ARL8B: variants seen among roughly 807,000 people sequenced by gnomAD.
ARL8B encodes ARF like GTPase 8B, also known as ADP-ribosylation factor-like protein 8B.
ARL8B carries 9 observed loss-of-function variants against 30.6 expected under a neutral mutation model. That is an observed-to-expected ratio of 0.29 (90% CI 0.18 to 0.51). The LOEUF is 0.51. Among genes scored for constraint, ARL8B ranks in the 20% least tolerant of loss-of-function variants. The pLI, the probability that ARL8B is intolerant of heterozygous loss-of-function variation, is 0.97. For missense variants in ARL8B, 130 were observed against 227.2 expected, an observed-to-expected ratio of 0.57 and a Z score of 2.75; for synonymous variants, 74 against 76.0, an observed-to-expected ratio of 0.97 and a Z score of 0.14.
intron 1 of ARL8B, 51 bp from the exon 2 acceptor site, chr3:5,170,452 C>A: frequency 8.2e-7 from 1 of 1,215,310 alleles, no homozygotes; most frequent in Non-Finnish European, 1.2e-6. Flanking sequence ...GAAGTTTATG[C>A]AGTGTCATTA....
intron 1 of ARL8B, among the ~76,000 whole-genome samples, chr3:5,169,308 TG>T (rs2054650109): frequency 2.3e-5 from 1 of 43,838 alleles, no homozygotes; most frequent in African/African-American, 1.9e-4. Flanking sequence ...ACAGTGTTTG[TG>T]TGTGTGTGTG....
intron 1 of ARL8B, among the ~76,000 whole-genome samples, chr3:5,169,305 T>TTG (rs10575722): frequency 0.053 from 7,588 of 142,858 alleles, 223 homozygotes; most frequent in East Asian, 0.17. Context: ...AATACAGTGT[T>TTG]TGTGTGTGTG....
At chr3:5,141,682 G>A (rs2054374476) in intron 1 of ARL8B, among the ~76,000 whole-genome samples, 2 of 152,122 alleles carry the variant, frequency 1.3e-5, no homozygotes, top group Admixed American at 6.6e-5. Flanking sequence ...TTTTGTGATG[G>A]TCCCATCTGG....
chr3:5,123,084 A>G (rs6772815), intron 1 of ARL8B, among the ~76,000 whole-genome samples: 12,538 of 152,168 alleles, frequency 0.082, 857 homozygotes, highest in African/African-American at 0.16. Flanking sequence ...GACCAGTGTG[A>G]GCGCCTTCCT....
rs112419778 is a variant in ARL8B, at chr3:5,122,427, C to T, written c.-39C>T. ...TGTGGAAGTCGTCGACGCCGCCGCT[C>T]GTCCGTCCTCCCGTCCGTTCTCGCT... On this transcript the variant is annotated 5_prime_UTR_variant, in exon 1 of 7. Transcript: ENST00000256496. 1.7e-4 allele frequency: 276 copies of T among 1,610,140 alleles called. 1 individual carries two copies. In the African/African-American group the frequency reaches 1.9e-3, roughly 11 times the overall value.
intron 1 of ARL8B, among the ~76,000 whole-genome samples, chr3:5,151,456 C>T (rs916557111): frequency 6.6e-6 from 1 of 152,004 alleles, no homozygotes. Flanking sequence ...AATATATAAG[C>T]ATTTGAGTCT....
At chr3:5,136,057 G>A (rs949684711) in intron 1 of ARL8B, among the ~76,000 whole-genome samples, 13 of 151,452 alleles carry the variant, frequency 8.6e-5, no homozygotes, top group Non-Finnish European at 2.9e-5. Context: ...CAAAGTGCTG[G>A]GATTATAGGC....
intron 1 of ARL8B, among the ~76,000 whole-genome samples, chr3:5,168,498 G>A (rs1313509177): frequency 1.3e-5 from 2 of 152,232 alleles, no homozygotes; most frequent in East Asian, 3.8e-4. Flanking sequence ...TAGCAGCTGA[G>A]TTACAGGAAA....
intron 1 of ARL8B, among the ~76,000 whole-genome samples, chr3:5,160,504 T>A (rs2054571574): frequency 1.3e-5 from 2 of 152,214 alleles, no homozygotes; most frequent in Non-Finnish European, 2.9e-5. Flanking sequence ...TAATTGAAAT[T>A]GTGGTTTGGA....
intron 1 of ARL8B, among the ~76,000 whole-genome samples, chr3:5,164,534 T>G (rs2054608141): frequency 6.6e-6 from 1 of 152,266 alleles, no homozygotes; most frequent in Non-Finnish European, 1.5e-5. Flanking sequence ...TCATTTGCTT[T>G]CTGATGTGTA....
At position 5,172,593 on chromosome 3, in the gene ARL8B, GTCA is replaced by G. The variant is rs1460485271; in HGVS notation, c.279-47_279-45del. 4.4e-6 allele frequency: 5 copies of G among 1,140,646 alleles called. No individual in the cohort carries two copies. The Admixed American group carries it at 1.0e-4, about 23-fold the overall frequency. The allele number at this position is 1,140,646 out of a possible 1,614,324, so 70.7% of individuals were successfully genotyped here. On this transcript the variant is annotated intron_variant, in intron 3 of 6. Transcript: ENST00000256496. ...AAATTAAAAATCAATAATACTAGTT[GTCA>G]TCATCAAGGCATACAGAGAAGGTAT...
chr3:5,145,081 A>T (rs985222607), intron 1 of ARL8B, among the ~76,000 whole-genome samples: 1 of 123,098 alleles, frequency 8.1e-6, no homozygotes, highest in Non-Finnish European at 1.6e-5. Context: ...CATAACCATT[A>T]TCTCTCTTTG....
chr3:5,160,448 CTA>C (rs1368331892), intron 1 of ARL8B, among the ~76,000 whole-genome samples: 3 of 152,176 alleles, frequency 2.0e-5, no homozygotes, highest in African/African-American at 7.2e-5. Flanking sequence ...TTTAAAATGA[CTA>C]TTTTTCAGGA....
intron 1 of ARL8B, among the ~76,000 whole-genome samples, chr3:5,127,098 G>C (rs1200293807): frequency 2.0e-5 from 3 of 152,198 alleles, no homozygotes; most frequent in African/African-American, 7.2e-5. Flanking sequence ...GTAGAAATAT[G>C]AACCTAGAAT....
Position 5,122,573 on chromosome 3 carries a change from C to T in ARL8B, c.108C>T (p.Phe36=). The T allele has an allele frequency of 6.2e-7, 1 of 1,603,734 alleles. No homozygotes were observed. Among genetic ancestry groups the T allele is most frequent in the Non-Finnish European group, 8.5e-7 (1 of 1,173,342 alleles). ...TGCAGTACTCGGGCAAGACCACCTT[C>T]GTCAATGTCATCGCGGTGAGCGCCC... is the stretch of plus-strand genomic sequence containing the variant. ...VGLQYSGKTT[F]VNVIASGQFS... Residue 36 remains phenylalanine (F), a synonymous_variant, in exon 1 of 7, where the codon TTC becomes TTT. Coordinates refer to ENST00000256496, the MANE Select transcript of ARL8B (RefSeq NM_018184.3).
chr3:5,129,077 T>A (rs2054258296), intron 1 of ARL8B, among the ~76,000 whole-genome samples: 1 of 152,260 alleles, frequency 6.6e-6, no homozygotes, highest in Admixed American at 6.5e-5. Context: ...GTTCCAGAGT[T>A]GGTATTTCTG....
chr3:5,128,533 C>G (rs563471536), intron 1 of ARL8B: 3 of 420,904 alleles, frequency 7.1e-6, no homozygotes, highest in Non-Finnish European at 1.4e-5. Context: ...AAATGCCTGT[C>G]TTAGAAGATA....
In ARL8B at chr3:5,172,689, C is replaced by G; in HGVS notation, c.321C>G (p.Ser107=). 6.2e-7 allele frequency: 1 copy of G among 1,612,102 alleles called. No homozygotes were observed. Among genetic ancestry groups the G allele is most frequent in the Middle Eastern group, 1.7e-4 (1 of 5,968 alleles). ...DAADREKIEA[S]RNELHNLLDK... ...CAGATCGTGAAAAGATAGAAGCTTCCCGAAATGAGCTACATAATCTTCTAG... is the reference window on the plus strand; with the variant it reads ...CAGATCGTGAAAAGATAGAAGCTTCGCGAAATGAGCTACATAATCTTCTAG... Residue 107 remains serine, a synonymous_variant, in exon 4 of 7, where the codon TCC becomes TCG. Coordinates refer to ENST00000256496, the MANE Select transcript of ARL8B (RefSeq NM_018184.3).
At chr3:5,141,547 G>A (rs928215006) in intron 1 of ARL8B, among the ~76,000 whole-genome samples, 3 of 152,194 alleles carry the variant, frequency 2.0e-5, no homozygotes, top group Non-Finnish European at 4.4e-5. Flanking sequence ...TATGAGAGAT[G>A]TAAGGATTGA....
Sources: gnomAD v4.1 joint callset for allele counts (sites outside exome capture counted in the v4.1 genomes callset) on GRCh38, gnomAD v4.1.1 for gene constraint, MANE v1.5 for transcripts, NCBI Gene and HGNC (gene_info 2026-07-23, HGNC 2026-07-21) for gene names.